Variants in GALNT7 observed in about 807,000 individuals in gnomAD.
GALNT7 encodes polypeptide N-acetylgalactosaminyltransferase 7, also known as N-acetylgalactosaminyltransferase 7.
A neutral mutation model predicts 82.1 loss-of-function variants in GALNT7; 60 were observed. That is an observed-to-expected ratio of 0.73 (90% CI 0.59 to 0.91). The LOEUF (loss-of-function observed/expected upper bound fraction) is 0.91. Among genes scored for constraint, GALNT7 ranks in the 40% least tolerant of loss-of-function variants. GALNT7 has a pLI of 0.00. For missense variants in GALNT7, 660 were observed against 804.2 expected, an observed-to-expected ratio of 0.82 and a Z score of 2.17; for synonymous variants, 243 against 275.1, an observed-to-expected ratio of 0.88 and a Z score of 1.15.
chr4:173,209,453 C>T (rs2126667852), intron 1 of GALNT7, among the ~76,000 whole-genome samples: 1 of 152,344 alleles, frequency 6.6e-6, no homozygotes, highest in African/African-American at 2.4e-5. Flanking sequence ...CTGGAGAATG[C>T]AGTACATGCC....
intron 2 of GALNT7, among the ~76,000 whole-genome samples, chr4:173,265,613 C>CTCTCTCTT (rs1378307458): frequency 7.0e-6 from 1 of 142,116 alleles, no homozygotes; most frequent in East Asian, 2.0e-4. Context: ...CTCTCTCTCT[C>CTCTCTCTT]TCTCTCTGTC....
intron 1 of GALNT7, among the ~76,000 whole-genome samples, chr4:173,188,471 C>T (rs6826412): frequency 0.7 from 106,441 of 151,754 alleles, 37,548 homozygotes; most frequent in East Asian, 0.76. Flanking sequence ...TACATTGGTA[C>T]GTTAAAAGCT....
intron 1 of GALNT7, among the ~76,000 whole-genome samples, chr4:173,177,740 C>G (rs1732095525): frequency 6.6e-6 from 1 of 152,114 alleles, no homozygotes; most frequent in Admixed American, 6.5e-5. Context: ...TACCTGCCTG[C>G]TAACCTAACC....
chr4:173,303,222 T>TA (rs1450774283), intron 7 of GALNT7, among the ~76,000 whole-genome samples: 2 of 150,180 alleles, frequency 1.3e-5, no homozygotes, highest in Admixed American at 6.6e-5. Flanking sequence ...GAGCGAGCGT[T>TA]ATGCTAGATG....
At chr4:173,216,727 ATTT>A (rs1554022010) in intron 1 of GALNT7, among the ~76,000 whole-genome samples, 3 of 12,980 alleles carry the variant, frequency 2.3e-4, no homozygotes, top group Admixed American at 1.3e-3. Context: ...ATATATATAT[ATTT>A]TTTTTTTTTT....
chr4:173,262,731 GA>G (rs1297033149), intron 2 of GALNT7, among the ~76,000 whole-genome samples: 6 of 152,062 alleles, frequency 3.9e-5, no homozygotes, highest in African/African-American at 1.4e-4. Flanking sequence ...TCAGCATACA[GA>G]TCAGTCTCAG....
At chr4:173,301,621 A>G (rs1254677195) in intron 6 of GALNT7, among the ~76,000 whole-genome samples, 3 of 152,200 alleles carry the variant, frequency 2.0e-5, no homozygotes, top group African/African-American at 7.2e-5. Flanking sequence ...ATGACAGACT[A>G]CTTCCATGGT....
intron 1 of GALNT7, among the ~76,000 whole-genome samples, chr4:173,224,729 T>G (rs1478573966): frequency 6.6e-6 from 1 of 152,034 alleles, no homozygotes; most frequent in Non-Finnish European, 1.5e-5. Flanking sequence ...AATGCAAATA[T>G]TGGCCGGGCG....
intron 2 of GALNT7, among the ~76,000 whole-genome samples, chr4:173,265,922 C>T (rs995001790): frequency 7.9e-5 from 12 of 151,938 alleles, no homozygotes; most frequent in Admixed American, 5.2e-4. Context: ...ATGGCTTGGA[C>T]GCTTCAAGAA....
rs958947122 is a variant in GALNT7 at position 173,314,261 on chromosome 4, G to C, written c.1608+85G>C. On this transcript the variant is annotated intron_variant, in intron 9 of 11. Transcript: ENST00000265000. ...AGAGGTGGAAATATGTAAGAGGGAA[G>C]TATTCTTGGGGAAAAGTTGGGGTAA... 3 of 922,708 alleles carry C rather than the reference G, an allele frequency of 3.3e-6. No homozygotes were observed. The Admixed American group carries it at 5.3e-5, about 16-fold the overall frequency. The allele number at this position is 922,708 out of a possible 1,614,324, so 57.2% of individuals were successfully genotyped here. A position where few individuals can be genotyped will look rare whatever the true frequency, so the allele number is the denominator to read the frequency against.
At chr4:173,214,499 T>A (rs1052354388) in intron 1 of GALNT7, among the ~76,000 whole-genome samples, 1 of 152,192 alleles carries the variant, frequency 6.6e-6, no homozygotes, top group African/African-American at 2.4e-5. Flanking sequence ...GCAAGATCTC[T>A]ATGATTAGAT....
At chr4:173,260,952 C>T (rs1468136218) in intron 2 of GALNT7, among the ~76,000 whole-genome samples, 5 of 152,040 alleles carry the variant, frequency 3.3e-5, no homozygotes, top group Non-Finnish European at 7.4e-5. Flanking sequence ...GTTTACGAAG[C>T]GAAAATTGTC....
chr4:173,208,488 A>G (rs559086816), intron 1 of GALNT7, among the ~76,000 whole-genome samples: 1 of 152,258 alleles, frequency 6.6e-6, no homozygotes, highest in South Asian at 2.1e-4. Flanking sequence ...TTGACTGTCT[A>G]CTTTATAAAA....
At chr4:173,306,921 T>C (rs1737173886) in intron 8 of GALNT7, among the ~76,000 whole-genome samples, 1 of 152,218 alleles carries the variant, frequency 6.6e-6, no homozygotes, top group Admixed American at 6.5e-5. Context: ...TTGCGGACTT[T>C]ACAGGCTGGT....
chr4:173,288,156 G>T (rs1412975741), intron 2 of GALNT7, among the ~76,000 whole-genome samples: 1 of 150,650 alleles, frequency 6.6e-6, no homozygotes. Flanking sequence ...GGTAGCGGGC[G>T]CCTGTAGTCC....
At chr4:173,264,312 A>G (rs1016489203) in intron 2 of GALNT7, among the ~76,000 whole-genome samples, 3 of 152,234 alleles carry the variant, frequency 2.0e-5, no homozygotes, top group South Asian at 2.1e-4. Context: ...GCAAAATGTT[A>G]TAAGACAAAG....
intron 1 of GALNT7, among the ~76,000 whole-genome samples, chr4:173,229,765 C>T (rs1440835781): frequency 2.6e-5 from 4 of 152,138 alleles, no homozygotes; most frequent in Non-Finnish European, 5.9e-5. Flanking sequence ...TTCTCCTCAT[C>T]GTATTATCGT....
At chr4:173,313,794 C>G (rs773852505) in intron 8 of GALNT7, among the ~76,000 whole-genome samples, 164 bp from the exon 9 acceptor site, 47 of 152,052 alleles carry the variant, frequency 3.1e-4, no homozygotes, top group Non-Finnish European at 5.6e-4. Flanking sequence ...TGGCAGATGA[C>G]ATATTAGAGT....
rs115541084 is a variant in GALNT7 at position 173,296,437 on chromosome 4, C to T, written c.965+594C>T. On this transcript the variant is annotated intron_variant, in intron 5 of 11. Coordinates refer to ENST00000265000, the MANE Select transcript of GALNT7 (RefSeq NM_017423.3). The stretch of plus-strand genomic sequence containing the variant: ...AGTCCATAATTAGGAAAATAAAACA[C>T]GTCCATGTGGCAAATGGCAAATGGC... Among the ~76,000 whole-genome samples the T allele has an allele frequency of 9.1e-3, 1,387 of 152,230 alleles. 15 individuals are homozygous for T. Among genetic ancestry groups the T allele is most frequent in the Middle Eastern group, 0.017 (5 of 294 alleles).
Sources: allele counts gnomAD v4.1 joint callset (sites outside exome capture counted in the v4.1 genomes callset), GRCh38; gene constraint gnomAD v4.1.1; transcripts MANE v1.5; gene names NCBI Gene and HGNC (gene_info 2026-07-23, HGNC 2026-07-21).